HAT1: variants seen among roughly 807,000 people sequenced by gnomAD.
HAT1 encodes histone acetyltransferase 1, also known as histone acetyltransferase type B catalytic subunit.
In HAT1, 20 loss-of-function variants were observed where a neutral mutation model predicts 56.6. That is an observed-to-expected ratio of 0.35 (90% CI 0.25 to 0.51). The LOEUF is 0.51. HAT1 is among the 20% of genes least tolerant of loss of function. HAT1 has a pLI of 0.95. For synonymous variants in HAT1, 146 were observed against 165.5 expected (o/e 0.88, Z 0.91); for missense variants, 408 against 504.3 (o/e 0.81, Z 1.83).
chr2:171,979,220 T>C (rs370109887), intron 9 of HAT1, 27 bp from the exon 10 acceptor site: 15 of 1,036,414 alleles, frequency 1.4e-5, no homozygotes, highest in Non-Finnish European at 2.2e-5. Flanking sequence ...TTTGAAAATG[T>C]TCGCATTTTC....
chr2:171,959,665 C>A (rs1272102205), intron 4 of HAT1, among the ~76,000 whole-genome samples: 2 of 152,144 alleles, frequency 1.3e-5, no homozygotes, highest in African/African-American at 2.4e-5. Flanking sequence ...CATGGGCTTG[C>A]TTCTTCTATC....
intron 9 of HAT1, 86 bp from the exon 10 acceptor site, chr2:171,979,161 G>T: frequency 1.4e-6 from 1 of 708,746 alleles, no homozygotes; most frequent in Non-Finnish European, 2.5e-6. Context: ...GCTCATGGCA[G>T]ATATTAAATA....
rs764720474 is a variant in HAT1 at position 171,925,542 on chromosome 2, G to T, written c.13G>T (p.Gly5Cys). The T allele has an allele frequency of 6.9e-7, 1 of 1,445,710 alleles. No homozygotes were observed. Among genetic ancestry groups the T allele is most frequent in the Non-Finnish European group, 9.7e-7 (1 of 1,027,140 alleles). 89.6% of individuals were successfully genotyped at this position (1,445,710 alleles called of 1,614,324 possible). A position where few individuals can be genotyped will look rare whatever the true frequency, so the allele number is the denominator to read the frequency against. MAGFGAMEKFLVEYK... is the reference protein window; with the variant it reads MAGFCAMEKFLVEYK... ...TTAAAAACCTTTTCTCTTAGGATTT[G>T]GTGCTATGGAGAAATTTTTGGTAGA... is the stretch of plus-strand genomic sequence containing the variant. The change falls in exon 2 of 11, where the codon GGT becomes TGT. Residue 5 changes from glycine to cysteine, a missense_variant. Gly to Cys is a radical substitution (Grantham distance 159). Transcript: ENST00000264108.
At chr2:171,939,405 T>C (rs1260114884) in intron 2 of HAT1, among the ~76,000 whole-genome samples, 2 of 152,240 alleles carry the variant, frequency 1.3e-5, no homozygotes, top group Non-Finnish European at 1.5e-5. Context: ...CTTGAAGTGA[T>C]AGATCAAGTT....
At chr2:171,928,191 A>C (rs1686646593) in intron 2 of HAT1, among the ~76,000 whole-genome samples, 1 of 152,100 alleles carries the variant, frequency 6.6e-6, no homozygotes, top group Admixed American at 6.5e-5. Context: ...AGCCACAGGA[A>C]ATGATATTTT....
At chr2:171,949,686 A>T (rs1266921981) in intron 3 of HAT1, among the ~76,000 whole-genome samples, 1 of 151,912 alleles carries the variant, frequency 6.6e-6, no homozygotes, top group African/African-American at 2.4e-5. Flanking sequence ...AAAAAAAAAA[A>T]AAATTTTTTT....
Position 171,952,933 on chromosome 2 carries a change from G to C in HAT1, c.241G>C (p.Gly81Arg). Reference sequence around the variant, plus strand: ...AAAGATCCTGTTATACTATATTGCTGGTAGCCTGTCAACAATGTTCCGTGT... The same window carrying C: ...AAAGATCCTGTTATACTATATTGCTCGTAGCCTGTCAACAATGTTCCGTGT... ...GLKILLYYIA[G>R]SLSTMFRVEY... The change falls in exon 4 of 11, where the codon GGT (glycine) becomes CGT (arginine). Residue 81 changes from glycine to arginine, a missense_variant. Coordinates refer to ENST00000264108, the MANE Select transcript of HAT1 (RefSeq NM_003642.4). The C allele has an allele frequency of 6.3e-7, 1 of 1,590,896 alleles. No homozygotes were observed. Among genetic ancestry groups the C allele is most frequent in the Non-Finnish European group, 8.6e-7 (1 of 1,159,482 alleles).
intron 9 of HAT1, among the ~76,000 whole-genome samples, chr2:171,978,036 AT>A (rs753221500): frequency 2.7e-5 from 4 of 146,230 alleles, no homozygotes; most frequent in African/African-American, 5.0e-5. Flanking sequence ...CCTTGATACC[AT>A]TTGTCTTTTT....
chr2:171,936,346 G>A (rs1282794060), intron 2 of HAT1, among the ~76,000 whole-genome samples: 1 of 152,158 alleles, frequency 6.6e-6, no homozygotes, highest in Non-Finnish European at 1.5e-5. Context: ...CTACCTGAGA[G>A]GTCTGTAAGA....
chr2:171,943,726 C>CATAT (rs141557606), intron 2 of HAT1, among the ~76,000 whole-genome samples: 27,305 of 142,692 alleles, frequency 0.19, 2,765 homozygotes, highest in Non-Finnish European at 0.24. Flanking sequence ...TATGGACATT[C>CATAT]ATATATATAT....
At chr2:171,972,004 A>C (rs1013793291) in intron 8 of HAT1, among the ~76,000 whole-genome samples, 2 of 152,176 alleles carry the variant, frequency 1.3e-5, no homozygotes, top group African/African-American at 4.8e-5. Flanking sequence ...CAAGCAACAC[A>C]CATAGGGGCT....
At chr2:171,947,601 A>G (rs1212507888) in intron 3 of HAT1, among the ~76,000 whole-genome samples, 1 of 152,194 alleles carries the variant, frequency 6.6e-6, no homozygotes, top group African/African-American at 2.4e-5. Context: ...GTCCCAGGCC[A>G]GGCGCAGTGG....
intron 4 of HAT1, among the ~76,000 whole-genome samples, chr2:171,955,902 C>T (rs1000544969): frequency 2.0e-5 from 3 of 150,688 alleles, no homozygotes; most frequent in African/African-American, 4.9e-5. Context: ...AAAATTAGCC[C>T]GGCATGGTGG....
chr2:171,965,204 C>A, intron 4 of HAT1, 134 bp from the exon 5 acceptor site: 2 of 592,494 alleles, frequency 3.4e-6, no homozygotes, highest in Non-Finnish European at 6.0e-6. Flanking sequence ...TTTTCCAATT[C>A]GCTGTGTGTT....
intron 3 of HAT1, among the ~76,000 whole-genome samples, chr2:171,952,307 GA>G (rs2105324608): frequency 1.3e-5 from 2 of 152,294 alleles, no homozygotes; most frequent in African/African-American, 4.8e-5. Flanking sequence ...TTTTAAGCTG[GA>G]AAAAGGAATA....
At chr2:171,965,972 G>T in intron 6 of HAT1, 64 bp downstream of exon 6, 1 of 1,411,042 alleles carries the variant, frequency 7.1e-7, no homozygotes, top group South Asian at 1.2e-5. Flanking sequence ...TTTTAATTGT[G>T]GCAGCCCAAT....
chr2:171,947,481 C>T (rs1046924799), intron 3 of HAT1, among the ~76,000 whole-genome samples: 1 of 151,990 alleles, frequency 6.6e-6, no homozygotes, highest in Non-Finnish European at 1.5e-5. Flanking sequence ...GCCTTGAACT[C>T]CTGGCCTCAA....
chr2:171,948,644 C>T (rs909108024), intron 3 of HAT1, among the ~76,000 whole-genome samples: 4 of 152,206 alleles, frequency 2.6e-5, no homozygotes, highest in African/African-American at 9.6e-5. Flanking sequence ...TATTGTATTT[C>T]GTTGCCATAT....
chr2:171,952,052 C>T (rs1033916602), intron 3 of HAT1, among the ~76,000 whole-genome samples: 1 of 152,120 alleles, frequency 6.6e-6, no homozygotes, highest in South Asian at 2.1e-4. Flanking sequence ...CAGAATACAG[C>T]TTTATTGAGA....
Sources: gnomAD v4.1 joint callset for allele counts (sites outside exome capture counted in the v4.1 genomes callset) on GRCh38, gnomAD v4.1.1 for gene constraint, MANE v1.5 for transcripts, NCBI Gene and HGNC (gene_info 2026-07-23, HGNC 2026-07-21) for gene names.